The following ME3 variants were observed in gnomAD, a reference collection of about 807,000 sequenced individuals.
ME3 encodes the protein NADP-dependent malic enzyme, mitochondrial.
A neutral mutation model predicts 68.9 loss-of-function variants in ME3; 48 were observed. That is an observed-to-expected ratio of 0.70 (90% confidence interval 0.55 to 0.89). The LOEUF (loss-of-function observed/expected upper bound fraction) is 0.89, where lower values mean the gene tolerates loss of function less well. Ranked by LOEUF, ME3 falls within the 40% of genes least tolerant of loss-of-function variation. ME3 has a pLI of 0.00. For missense variants in ME3, 675 were observed against 797.4 expected, an observed-to-expected ratio of 0.85 and a Z score of 1.85; for synonymous variants, 320 against 318.8, an observed-to-expected ratio of 1.00 and a Z score of -0.04.
intron 13 of ME3, among the ~76,000 whole-genome samples, chr11:86,444,155 A>G (rs927990971): frequency 6.6e-6 from 1 of 152,240 alleles, no homozygotes; most frequent in Non-Finnish European, 1.5e-5. Context: ...TCTACCATGT[A>G]TAGGAAAGGC....
intron 2 of ME3, among the ~76,000 whole-genome samples, chr11:86,604,277 A>G (rs1396940111): frequency 6.6e-6 from 1 of 152,020 alleles, no homozygotes; most frequent in Non-Finnish European, 1.5e-5. Context: ...TGGAGGGGCA[A>G]AATGGGGCAT....
At chr11:86,536,160 C>T (rs939974225) in intron 4 of ME3, among the ~76,000 whole-genome samples, 4 of 152,214 alleles carry the variant, frequency 2.6e-5, no homozygotes, top group African/African-American at 9.7e-5. Context: ...GGGCACTTGG[C>T]AGCATTGTAT....
intron 2 of ME3, among the ~76,000 whole-genome samples, chr11:86,657,732 A>T (rs1945999351): frequency 6.6e-6 from 1 of 152,182 alleles, no homozygotes; most frequent in South Asian, 2.1e-4. Flanking sequence ...TTTAGAAAAA[A>T]AATAATAACC....
At chr11:86,651,959 G>A (rs748910022) in intron 2 of ME3, among the ~76,000 whole-genome samples, 208 of 152,326 alleles carry the variant, frequency 1.4e-3, no homozygotes, top group Non-Finnish European at 2.3e-3. Flanking sequence ...ACAAGCCTCA[G>A]TAGCCGATTC....
At chr11:86,527,819 A>C (rs986621472) in intron 4 of ME3, among the ~76,000 whole-genome samples, 1 of 152,230 alleles carries the variant, frequency 6.6e-6, no homozygotes, top group Non-Finnish European at 1.5e-5. Flanking sequence ...AGATTTTGTC[A>C]CCACCAGGCC....
chr11:86,617,912 G>C (rs1475515368), intron 2 of ME3, among the ~76,000 whole-genome samples: 1 of 152,094 alleles, frequency 6.6e-6, no homozygotes, highest in East Asian at 1.9e-4. Flanking sequence ...AAAATATTCT[G>C]AGATGACATT....
rs1029103809 is a variant in ME3 at position 86,595,302 on chromosome 11, T to A, written c.184-35479A>T. 5.2e-4 allele frequency among the ~76,000 whole-genome samples: 33 copies of A among 63,164 alleles called. 3 individuals carry two copies. The highest frequency in any genetic ancestry group is 9.4e-4 in the Non-Finnish European group (27 of 28,764). The allele number at this position is 63,164 out of a possible 152,430, so 41.4% of individuals were successfully genotyped here. On this transcript the variant is annotated intron_variant, in intron 2 of 14. Coordinates refer to ENST00000543262, the Ensembl canonical transcript of ME3. The stretch of plus-strand genomic sequence containing the variant: ...ATATATATACATATACATATATATA[T>A]ATATAGAGAGAGAGAGAGAGAGAGA...
At chr11:86,572,551 TGTTA>T (rs1957860611) in intron 2 of ME3, among the ~76,000 whole-genome samples, 2 of 152,264 alleles carry the variant, frequency 1.3e-5, no homozygotes, top group South Asian at 4.2e-4. Context: ...GCTGTTCCTG[TGTTA>T]GTTTGCTGAG....
At chr11:86,533,777 T>G (rs1289011908) in intron 4 of ME3, among the ~76,000 whole-genome samples, 2 of 152,132 alleles carry the variant, frequency 1.3e-5, no homozygotes, top group African/African-American at 2.4e-5. Flanking sequence ...TTTTGGAAAA[T>G]GCATAATTAG....
At chr11:86,671,724 G>C in intron 2 of ME3, 38 bp downstream of exon 2, 1 of 1,590,620 alleles carries the variant, frequency 6.3e-7, no homozygotes. Flanking sequence ...GCAGCCACGG[G>C]ATCGCAACGC....
intron 5 of ME3, 52 bp from the exon 6 acceptor site, chr11:86,498,176 G>C: frequency 1.3e-6 from 2 of 1,557,224 alleles, no homozygotes; most frequent in Non-Finnish European, 1.7e-6. Flanking sequence ...CTGTGACAGG[G>C]TGCTCATTTT....
chr11:86,446,194 G>T, intron 13 of ME3, 120 bp downstream of exon 13: 1 of 1,182,792 alleles, frequency 8.5e-7, no homozygotes, highest in Non-Finnish European at 1.2e-6. Flanking sequence ...TAAGCACTTT[G>T]GGAATCCACT....
chr11:86,497,957 G>C lies in ME3; in HGVS notation c.705+6C>G. ...CCCAGAGCTCCTGCCCTGGGCAGTGGGTTACCTCATTGTTGGTGCCGACGT... is the reference window on the plus strand; with the variant it reads ...CCCAGAGCTCCTGCCCTGGGCAGTGCGTTACCTCATTGTTGGTGCCGACGT... On this transcript the variant is annotated splice_donor_region_variant and intron_variant, in intron 6 of 14. Transcript: ENST00000543262. The C allele has an allele frequency of 1.3e-6, 2 of 1,594,844 alleles. No individual in the cohort carries two copies. The highest frequency in any genetic ancestry group is 1.7e-6 in the Non-Finnish European group (2 of 1,169,020).
intron 2 of ME3, among the ~76,000 whole-genome samples, chr11:86,575,326 C>G (rs927003086): frequency 1.4e-5 from 2 of 146,740 alleles, no homozygotes; most frequent in Admixed American, 6.7e-5. Context: ...TCCACTTTAG[C>G]TAATGTTCTT....
intron 4 of ME3, among the ~76,000 whole-genome samples, chr11:86,547,587 A>T (rs1440813453): frequency 1.3e-5 from 2 of 152,176 alleles, no homozygotes; most frequent in African/African-American, 4.8e-5. Flanking sequence ...CTATGTAACA[A>T]ACCTGCACGT....
intron 14 of ME3, among the ~76,000 whole-genome samples, chr11:86,442,303 G>A (rs1053532903): frequency 2.0e-5 from 3 of 152,170 alleles, no homozygotes; most frequent in Admixed American, 6.5e-5. Flanking sequence ...ATTTACCCTG[G>A]CTGAGAGAGC....
chr11:86,546,699 C>T (rs1388990991), intron 4 of ME3, among the ~76,000 whole-genome samples: 8 of 152,160 alleles, frequency 5.3e-5, no homozygotes, highest in Non-Finnish European at 8.8e-5. Context: ...GAAATAGGAA[C>T]GTTTTTACAC....
chr11:86,479,998 C>T (rs1183834188), intron 7 of ME3, among the ~76,000 whole-genome samples: 2 of 151,692 alleles, frequency 1.3e-5, no homozygotes, highest in Non-Finnish European at 2.9e-5. Context: ...TTTGTATTTT[C>T]GGTACAGATG....
intron 2 of ME3, among the ~76,000 whole-genome samples, chr11:86,576,822 A>G (rs1958144067): frequency 6.6e-6 from 1 of 152,200 alleles, no homozygotes; most frequent in Non-Finnish European, 1.5e-5. Context: ...AAAGCACTTG[A>G]AAGCATCCCC....
Sources: allele counts gnomAD v4.1 joint callset (sites outside exome capture counted in the v4.1 genomes callset), GRCh38; gene constraint gnomAD v4.1.1; transcripts MANE v1.5; gene names NCBI Gene and HGNC (gene_info 2026-07-23, HGNC 2026-07-21).